Variants in KCNJ6 observed in about 807,000 individuals in gnomAD.
KCNJ6 encodes the protein potassium inwardly rectifying channel subfamily J member 6, also known as G protein-activated inward rectifier potassium channel 2.
KCNJ6 carries 9 observed loss-of-function variants against 34.2 expected under a neutral mutation model. The ratio of observed to expected loss-of-function variants is 0.26; its 90% confidence interval spans 0.16 to 0.46. KCNJ6 has a LOEUF of 0.46. KCNJ6 is among the 20% of genes least tolerant of loss of function. KCNJ6 has a pLI of 1.00. For synonymous variants in KCNJ6, 196 were observed against 207.1 expected (o/e 0.95, Z 0.46); for missense variants, 236 against 531.3 (o/e 0.44, Z 5.46).
intron 1 of KCNJ6, among the ~76,000 whole-genome samples, chr21:37,868,161 G>A (rs2055632386): frequency 6.6e-6 from 1 of 152,210 alleles, no homozygotes. Flanking sequence ...GGATGGCTAT[G>A]TCAGGGGTCT....
intron 3 of KCNJ6, among the ~76,000 whole-genome samples, chr21:37,711,175 A>T (rs1253603899): frequency 6.6e-6 from 1 of 152,196 alleles, no homozygotes; most frequent in Non-Finnish European, 1.5e-5. Context: ...TGCGGCTGGC[A>T]TTGGAAGGCA....
intron 2 of KCNJ6, among the ~76,000 whole-genome samples, chr21:37,770,922 G>T (rs1438849403): frequency 6.6e-6 from 1 of 151,974 alleles, no homozygotes; most frequent in Non-Finnish European, 1.5e-5. Context: ...ATTAATAATG[G>T]TTAACTTTAT....
At chr21:37,805,328 G>T (rs899184394) in intron 2 of KCNJ6, among the ~76,000 whole-genome samples, 2 of 151,600 alleles carry the variant, frequency 1.3e-5, no homozygotes, top group East Asian at 2.0e-4. Flanking sequence ...TGATACTGGG[G>T]TTCCAAGGTG....
At chr21:37,791,458 C>T (rs777804585) in intron 2 of KCNJ6, among the ~76,000 whole-genome samples, 26 of 152,204 alleles carry the variant, frequency 1.7e-4, no homozygotes, top group Non-Finnish European at 3.2e-4. Context: ...GGAGAACAAG[C>T]ACATTGTCCC....
rs566796026 is a variant in KCNJ6 at position 37,675,451 on chromosome 21, T to C, written c.946+38760A>G. ...GGGCTGCAGGTACGGTGCGGGTTTCTGGTGCGCTGACCGCGCTGGGGATGA... is the reference window on the plus strand; with the variant it reads ...GGGCTGCAGGTACGGTGCGGGTTTCCGGTGCGCTGACCGCGCTGGGGATGA... On this transcript the variant is annotated intron_variant, in intron 3 of 3. Coordinates refer to ENST00000609713, the MANE Select transcript of KCNJ6 (RefSeq NM_002240.5). The surrounding 1 kb of genome is among the most constrained non-coding windows in gnomAD (Gnocchi z 4.2). Among the ~76,000 whole-genome samples, 2,822 of 5,612 alleles carry C rather than the reference T, an allele frequency of 0.5. 64 individuals carry two copies. The highest frequency in any genetic ancestry group is 0.51 in the South Asian group (106 of 208). 3.7% of individuals were successfully genotyped at this position (5,612 alleles called of 152,430 possible).
chr21:37,642,606 T>C (rs2054386000), intron 3 of KCNJ6, among the ~76,000 whole-genome samples: 1 of 151,720 alleles, frequency 6.6e-6, no homozygotes, highest in Non-Finnish European at 1.5e-5. Flanking sequence ...ACCCCGAAGA[T>C]AGGGGAGAAG....
Position 37,612,106 on chromosome 21 carries a change from A to T in KCNJ6, c.*13053T>A, listed in dbSNP as rs2054244684. 1 of 152,246 alleles carries T rather than the reference A, an allele frequency of 6.6e-6. No individual in the cohort carries two copies. The highest frequency in any genetic ancestry group is 1.5e-5 in the Non-Finnish European group (1 of 68,036). 9.4% of individuals were successfully genotyped at this position (152,246 alleles called of 1,614,324 possible). A position where few individuals can be genotyped will look rare whatever the true frequency, so the allele number is the denominator to read the frequency against. ...AAAATCTGAAATAACTGACCAAAAA[A>T]CAAAACAAAAACAAGCCCCAGAACC... On this transcript the variant is annotated 3_prime_UTR_variant, in exon 4 of 4. Coordinates refer to ENST00000609713, the MANE Select transcript of KCNJ6 (RefSeq NM_002240.5).
intron 1 of KCNJ6, among the ~76,000 whole-genome samples, chr21:37,887,374 A>G (rs1393068466): frequency 6.6e-6 from 1 of 152,158 alleles, no homozygotes; most frequent in African/African-American, 2.4e-5. Context: ...AAGTCGGGTT[A>G]TAGTTTTCAG....
chr21:37,637,730 A>G (rs1476582376), intron 3 of KCNJ6, among the ~76,000 whole-genome samples: 1 of 152,184 alleles, frequency 6.6e-6, no homozygotes, highest in African/African-American at 2.4e-5. Flanking sequence ...GTATCTGGAG[A>G]ACTGGCCTTA....
chr21:37,732,643 G>A (rs1018962126), intron 2 of KCNJ6, among the ~76,000 whole-genome samples: 4 of 152,132 alleles, frequency 2.6e-5, no homozygotes, highest in East Asian at 1.9e-4. Flanking sequence ...GGGTTCTCAC[G>A]ACAGAGGAAA....
rs903634612 is a variant in KCNJ6 at position 37,621,704 on chromosome 21, T to C, written c.*3455A>G. On this transcript the variant is annotated 3_prime_UTR_variant, in exon 4 of 4. Transcript: ENST00000609713. ...AAGGTACTGAACTAAAACAATAGAATTGGAACTGGAGAACCAGGGAAACAG... is the reference window on the plus strand; with the variant it reads ...AAGGTACTGAACTAAAACAATAGAACTGGAACTGGAGAACCAGGGAAACAG... The C allele has an allele frequency of 1.3e-5, 2 of 151,976 alleles. No homozygotes were observed. Among genetic ancestry groups the C allele is most frequent in the Non-Finnish European group, 2.9e-5 (2 of 68,016 alleles). 9.4% of individuals were successfully genotyped at this position (151,976 alleles called of 1,614,324 possible). A position where few individuals can be genotyped will look rare whatever the true frequency, so the allele number is the denominator to read the frequency against.
intron 3 of KCNJ6, among the ~76,000 whole-genome samples, chr21:37,682,539 C>T (rs372918590): frequency 0.027 from 2 of 74 alleles, no homozygotes; most frequent in African/African-American, 0.083. Context: ...TCCATCTTCA[C>T]GTGACCTTCT....
intron 1 of KCNJ6, among the ~76,000 whole-genome samples, chr21:37,844,038 T>C (rs1252846161): frequency 6.6e-6 from 1 of 150,964 alleles, no homozygotes; most frequent in Non-Finnish European, 1.5e-5. Flanking sequence ...CACCTCTTCT[T>C]CCTTCCTCAC....
At chr21:37,792,693 C>T (rs1244924355) in intron 2 of KCNJ6, among the ~76,000 whole-genome samples, 1 of 152,164 alleles carries the variant, frequency 6.6e-6, no homozygotes, top group Non-Finnish European at 1.5e-5. Context: ...CAGGGTAAGT[C>T]ACTTCCCCAA....
chr21:37,736,731 C>T (rs2054914998), intron 2 of KCNJ6, among the ~76,000 whole-genome samples: 1 of 152,178 alleles, frequency 6.6e-6, no homozygotes, highest in Admixed American at 6.5e-5. Flanking sequence ...TACATCCCAG[C>T]CCTGTTAAGG....
chr21:37,788,819 G>A (rs989448600), intron 2 of KCNJ6, among the ~76,000 whole-genome samples: 1 of 152,132 alleles, frequency 6.6e-6, no homozygotes, highest in East Asian at 1.9e-4. Context: ...AAGAAGAATC[G>A]CCAAGAGGAG....
intron 3 of KCNJ6, among the ~76,000 whole-genome samples, chr21:37,692,643 A>G (rs1569446593): frequency 1.3e-5 from 2 of 152,204 alleles, no homozygotes; most frequent in Non-Finnish European, 2.9e-5. Context: ...GCTCTCTGAA[A>G]TAGAGTTTAG....
At chr21:37,759,988 C>T (rs2055052249) in intron 2 of KCNJ6, among the ~76,000 whole-genome samples, 1 of 152,202 alleles carries the variant, frequency 6.6e-6, no homozygotes, top group Non-Finnish European at 1.5e-5. Flanking sequence ...CAGTCCTACC[C>T]AGAGGCCCAT....
In KCNJ6 at chr21:37,877,394, G is replaced by A. The variant is rs536813532; in HGVS notation, c.-27-36685C>T. ...ATTCCTGCAGTTTTTATCTAATGAT[G>A]TTGAAACAGCTCTCTGCAGGATGTG... On this transcript the variant is annotated intron_variant, in intron 1 of 3. Transcript: ENST00000609713. Among the ~76,000 whole-genome samples, 8 of 152,258 alleles carry A rather than the reference G, an allele frequency of 5.3e-5. 1 individual carries two copies. In the South Asian group the frequency reaches 1.7e-3, roughly 32 times the overall value.
Sources: gnomAD v4.1 joint callset for allele counts (sites outside exome capture counted in the v4.1 genomes callset) on GRCh38, gnomAD v4.1.1 for gene constraint, Gnocchi (gnomAD v3.1) non-coding constraint, MANE v1.5 for transcripts, NCBI Gene and HGNC (gene_info 2026-07-23, HGNC 2026-07-21) for gene names.